SH3GL3: variants seen among roughly 807,000 people sequenced by gnomAD.
SH3GL3 encodes endophilin-A3.
A neutral mutation model predicts 47.7 loss-of-function variants in SH3GL3; 33 were observed. That is an observed-to-expected ratio of 0.69 (90% confidence interval 0.52 to 0.92). The LOEUF (loss-of-function observed/expected upper bound fraction) is 0.92, where lower values mean the gene tolerates loss of function less well. Ranked by LOEUF, SH3GL3 falls within the 40% of genes least tolerant of loss-of-function variation. SH3GL3 has a pLI of 0.00. For synonymous variants in SH3GL3, 155 were observed against 148.8 expected (o/e 1.04, Z -0.30); for missense variants, 363 against 417.8 (o/e 0.87, Z 1.14).
chr15:83,465,558 C>G (rs2040533718), intron 1 of SH3GL3, among the ~76,000 whole-genome samples: 2 of 151,814 alleles, frequency 1.3e-5, no homozygotes, highest in Admixed American at 6.6e-5. Context: ...GGTAGCTGTT[C>G]CCTTAGCCTA....
intron 1 of SH3GL3, among the ~76,000 whole-genome samples, chr15:83,557,088 C>T (rs1381467166): frequency 2.0e-5 from 3 of 152,172 alleles, no homozygotes; most frequent in Non-Finnish European, 4.4e-5. Flanking sequence ...CAAAGCAAGT[C>T]GAAGCGTGGA....
chr15:83,569,835 C>T (rs1596281930), intron 4 of SH3GL3, among the ~76,000 whole-genome samples: 1 of 152,154 alleles, frequency 6.6e-6, no homozygotes, highest in Non-Finnish European at 1.5e-5. Flanking sequence ...TGTCCTTAGC[C>T]TGCTTTTGCA....
At chr15:83,499,224 T>G (rs1449724863) in intron 1 of SH3GL3, among the ~76,000 whole-genome samples, 1 of 152,082 alleles carries the variant, frequency 6.6e-6, no homozygotes, top group East Asian at 1.9e-4. Flanking sequence ...AAAAGGAGGT[T>G]TACAGTTAGC....
At chr15:83,582,190 C>T (rs1278020706) in intron 6 of SH3GL3, among the ~76,000 whole-genome samples, 1 of 152,242 alleles carries the variant, frequency 6.6e-6, no homozygotes, top group Admixed American at 6.5e-5. Context: ...TTCCTCACAA[C>T]TTACTAGTAG....
chr15:83,608,018 A>G (rs1307776892), intron 8 of SH3GL3, among the ~76,000 whole-genome samples: 1 of 152,150 alleles, frequency 6.6e-6, no homozygotes, highest in East Asian at 1.9e-4. Context: ...CACAATAGAC[A>G]AGTCATTGTT....
At chr15:83,573,178 G>A (rs564645893) in intron 5 of SH3GL3, among the ~76,000 whole-genome samples, 31 of 152,272 alleles carry the variant, frequency 2.0e-4, no homozygotes, top group Admixed American at 3.3e-4. Context: ...GGAGATAATT[G>A]CATGCCACTT....
intron 1 of SH3GL3, among the ~76,000 whole-genome samples, chr15:83,536,405 C>CTTTTCTTT (rs1555491015): frequency 5.3e-5 from 6 of 113,700 alleles, no homozygotes; most frequent in Admixed American, 1.7e-4. Context: ...CTTTTCTTTT[C>CTTTTCTTT]TTTTTTTTTT....
chr15:83,509,783 G>A (rs939837172), intron 1 of SH3GL3, among the ~76,000 whole-genome samples: 2 of 152,100 alleles, frequency 1.3e-5, no homozygotes, highest in African/African-American at 4.8e-5. Context: ...TAAATTACCC[G>A]GTTACTGCCT....
the SH3GL3 span, among the ~76,000 whole-genome samples, chr15:83,632,243 G>T: frequency 2.0e-5 from 3 of 152,162 alleles, no homozygotes; most frequent in Non-Finnish European, 2.9e-5. Flanking sequence ...ACATTTTCCT[G>T]TCATCTTCTG....
chr15:83,621,854 T>C (rs1243178721), downstream of SH3GL3, among the ~76,000 whole-genome samples: 2 of 152,172 alleles, frequency 1.3e-5, no homozygotes, highest in African/African-American at 4.8e-5. Context: ...TCACTGACTT[T>C]TGTAACAAAT....
intron 8 of SH3GL3, among the ~76,000 whole-genome samples, chr15:83,593,803 G>A (rs2060167522): frequency 6.6e-6 from 1 of 151,514 alleles, no homozygotes; most frequent in Non-Finnish European, 1.5e-5. Context: ...GATTTTAGCT[G>A]TAGATTTTTC....
In SH3GL3 at chr15:83,584,370, A is replaced by G. The variant is rs538419157; in HGVS notation, c.625-2613A>G. Among the ~76,000 whole-genome samples the G allele has an allele frequency of 9.3e-4, 141 of 152,342 alleles. 1 individual carries two copies. The highest frequency in any genetic ancestry group is 3.2e-3 in the African/African-American group (134 of 41,568). On this transcript the variant is annotated intron_variant, in intron 6 of 8. Coordinates refer to ENST00000427482, the MANE Select transcript of SH3GL3 (RefSeq NM_003027.5). ...TCTTCATGTTAAGATCCTTAACTCA[A>G]TCATAACCGCAAAGTCCCTTTTGCT...
chr15:83,504,315 A>G (rs569979402), intron 1 of SH3GL3, among the ~76,000 whole-genome samples: 7 of 152,176 alleles, frequency 4.6e-5, no homozygotes, highest in East Asian at 1.9e-4. Flanking sequence ...TCTATGCCCA[A>G]CTTTCTAGAA....
At chr15:83,586,859 T>C in intron 6 of SH3GL3, 124 bp from the exon 7 acceptor site, 1 of 505,414 alleles carries the variant, frequency 2.0e-6, no homozygotes, top group Non-Finnish European at 3.6e-6. Context: ...TGAAATTAAA[T>C]GAAATGGACC....
At chr15:83,574,891 G>A (rs2059633562) in intron 5 of SH3GL3, among the ~76,000 whole-genome samples, 1 of 152,082 alleles carries the variant, frequency 6.6e-6, no homozygotes. Flanking sequence ...TTGTTCTTTC[G>A]CTAGACTTCG....
At chr15:83,459,121 G>GCT (rs1472935448) in intron 1 of SH3GL3, among the ~76,000 whole-genome samples, 1 of 152,258 alleles carries the variant, frequency 6.6e-6, no homozygotes, top group African/African-American at 2.4e-5. Flanking sequence ...TTCGAGGGCA[G>GCT]GAAGCATCCA....
chr15:83,533,209 G>A (rs1031423407), intron 1 of SH3GL3, among the ~76,000 whole-genome samples: 3 of 152,190 alleles, frequency 2.0e-5, no homozygotes, highest in African/African-American at 7.2e-5. Context: ...AAGGGTGGTA[G>A]CCAGAGTAGA....
the SH3GL3 span, among the ~76,000 whole-genome samples, chr15:83,623,833 TG>T: frequency 6.6e-6 from 1 of 152,200 alleles, no homozygotes; most frequent in Non-Finnish European, 1.5e-5. Flanking sequence ...TCACCCAGGC[TG>T]GAGTGCAATG....
chr15:83,447,406 G>T lies in SH3GL3; in HGVS notation c.-128G>T. The T allele has an allele frequency of 1.6e-6, 1 of 621,498 alleles. No individual in the cohort carries two copies. 38.5% of individuals were successfully genotyped at this position (621,498 alleles called of 1,614,324 possible). A position where few individuals can be genotyped will look rare whatever the true frequency, so the allele number is the denominator to read the frequency against. ...AGCGGCTGTGGCTGTGGCCGTGGCCGTGGGAGGCGGGCCCGGCGGAGCCCA... is the reference window on the plus strand; with the variant it reads ...AGCGGCTGTGGCTGTGGCCGTGGCCTTGGGAGGCGGGCCCGGCGGAGCCCA... On this transcript the variant is annotated 5_prime_UTR_variant, in exon 1 of 9. Coordinates refer to ENST00000427482, the MANE Select transcript of SH3GL3 (RefSeq NM_003027.5). The surrounding 1 kb of genome is among the most constrained non-coding windows in gnomAD (Gnocchi z 5.1).
Sources: allele counts gnomAD v4.1 joint callset (sites outside exome capture counted in the v4.1 genomes callset), GRCh38; gene constraint gnomAD v4.1.1; non-coding constraint Gnocchi (gnomAD v3.1); transcripts MANE v1.5; gene names NCBI Gene and HGNC (gene_info 2026-07-23, HGNC 2026-07-21).